The following USP54 variants were observed in gnomAD, a reference collection of about 807,000 sequenced individuals.
USP54 encodes ubiquitin carboxyl-terminal hydrolase 54.
A neutral mutation model predicts 170.5 loss-of-function variants in USP54; 87 were observed. The observed-to-expected ratio is 0.51, with a 90% CI of 0.43 to 0.61. The LOEUF (loss-of-function observed/expected upper bound fraction) is 0.61. Among genes scored for constraint, USP54 ranks in the 20% least tolerant of loss-of-function variants. The pLI is 0.00. For synonymous variants in USP54, 655 were observed against 742.8 expected (o/e 0.88, Z 1.92); for missense variants, 1,786 against 2,047.8 (o/e 0.87, Z 2.47).
rs531651010 is a variant in USP54 at position 73,563,547 on chromosome 10, C to T, written c.240+7874G>A. On this transcript the variant is annotated intron_variant, in intron 4 of 23. Coordinates refer to ENST00000687698, the MANE Select transcript of USP54 (RefSeq NM_001391956.1). ...CCACCCTCCGGGTTCAAGTGATTCT[C>T]CTGCCTCAGCCTCCCAAATAGCTGA... is the stretch of plus-strand genomic sequence containing the variant. 4.5e-4 allele frequency among the ~76,000 whole-genome samples: 68 copies of T among 152,242 alleles called. No homozygotes were observed. In the South Asian group the frequency reaches 0.011, roughly 24 times the overall value.
chr10:73,508,931 G>A (rs915972044), intron 20 of USP54, among the ~76,000 whole-genome samples: 1 of 149,678 alleles, frequency 6.7e-6, no homozygotes, highest in Non-Finnish European at 1.5e-5. Context: ...CTCCCAAAGT[G>A]TGGGATTACA....
chr10:73,533,527 G>A lies in USP54; in HGVS notation c.1315+1073C>T, dbSNP rs1055997294. On this transcript the variant is annotated intron_variant, in intron 12 of 23. Coordinates refer to ENST00000687698, the MANE Select transcript of USP54 (RefSeq NM_001391956.1). Reference sequence around the variant, plus strand: ...GCAGTACACTATTCTATACAGTTTTGAATATCTTTGAAATTCTTGATATTT... The same window carrying A: ...GCAGTACACTATTCTATACAGTTTTAAATATCTTTGAAATTCTTGATATTT... Among the ~76,000 whole-genome samples the A allele has an allele frequency of 5.3e-4, 79 of 149,016 alleles. 1 individual carries two copies. Among genetic ancestry groups the A allele is most frequent in the Admixed American group, 2.0e-4 (3 of 14,904 alleles).
At chr10:73,547,463 C>T (rs1212220630) in intron 4 of USP54, among the ~76,000 whole-genome samples, 5 of 152,132 alleles carry the variant, frequency 3.3e-5, no homozygotes, top group African/African-American at 4.8e-5. Flanking sequence ...GGAGGCATCA[C>T]GCTATCTGAC....
intron 3 of USP54, among the ~76,000 whole-genome samples, chr10:73,574,511 A>G (rs1432124261): frequency 6.6e-6 from 1 of 152,116 alleles, no homozygotes; most frequent in African/African-American, 2.4e-5. Context: ...AAAACAGGCC[A>G]GACACCTGTA....
chr10:73,548,151 C>G (rs2068298394), intron 4 of USP54, among the ~76,000 whole-genome samples: 1 of 152,154 alleles, frequency 6.6e-6, no homozygotes, highest in Admixed American at 6.5e-5. Flanking sequence ...CACTGGTCAT[C>G]AGAGAAATGC....
intron 4 of USP54, among the ~76,000 whole-genome samples, chr10:73,547,163 A>G (rs1276741522): frequency 6.6e-6 from 1 of 152,188 alleles, no homozygotes; most frequent in Non-Finnish European, 1.5e-5. Flanking sequence ...ACACGCCTAT[A>G]ATGCCAATAC....
intron 5 of USP54, among the ~76,000 whole-genome samples, chr10:73,544,753 A>C (rs1166047360): frequency 6.6e-5 from 10 of 151,524 alleles, no homozygotes; most frequent in Admixed American, 6.6e-4. Context: ...TCACTGTGTC[A>C]CCCAGGCTGG....
chr10:73,604,291 T>C (rs2079443913), intron 1 of USP54, among the ~76,000 whole-genome samples: 1 of 152,168 alleles, frequency 6.6e-6, no homozygotes, highest in Non-Finnish European at 1.5e-5. Context: ...AAAAACAGTG[T>C]TGGCAAGAAC....
At position 73,621,173 on chromosome 10, in the gene USP54, T is replaced by C. The variant is rs531279690; in HGVS notation, c.-18+4394A>G. Among the ~76,000 whole-genome samples, 50 of 147,020 alleles carry C rather than the reference T, an allele frequency of 3.4e-4. 1 individual carries two copies. Among genetic ancestry groups the C allele is most frequent in the Non-Finnish European group, 6.5e-4 (44 of 67,372 alleles). ...TCTGTCTCAAAAAACAAACAAATAA[T>C]ACAAAGATGTAAAATTTGAATTTCA... On this transcript the variant is annotated intron_variant, in intron 1 of 22. Coordinates refer to the USP54 transcript ENST00000339859.
intron 12 of USP54, 136 bp from the exon 13 acceptor site, chr10:73,530,971 T>C: frequency 2.4e-6 from 3 of 1,255,734 alleles, no homozygotes; most frequent in Middle Eastern, 4.0e-4. Context: ...GCATAGGCTA[T>C]CTGATTTCAG....
At chr10:73,508,708 C>T (rs1330758248) in intron 20 of USP54, among the ~76,000 whole-genome samples, 3 of 150,050 alleles carry the variant, frequency 2.0e-5, no homozygotes, top group Admixed American at 2.0e-4. Context: ...CCCTCTGTTG[C>T]CCAGGCTGGA....
upstream of USP54, among the ~76,000 whole-genome samples, chr10:73,593,017 T>C (rs189232889): frequency 1.0e-3 from 155 of 152,210 alleles, no homozygotes; most frequent in Non-Finnish European, 1.8e-3. Flanking sequence ...TCAAAATAAA[T>C]TGGGTAACTA....
chr10:73,597,212 G>T (rs1367201351), intron 1 of USP54, among the ~76,000 whole-genome samples: 1 of 152,142 alleles, frequency 6.6e-6, no homozygotes. Flanking sequence ...TTGAAACAAA[G>T]ACAAAAACAC....
At chr10:73,552,331 T>C (rs1160529521) in intron 4 of USP54, among the ~76,000 whole-genome samples, 1 of 151,592 alleles carries the variant, frequency 6.6e-6, no homozygotes, top group African/African-American at 2.4e-5. Flanking sequence ...GAGAATTGCT[T>C]GAACCTAGGA....
intron 14 of USP54, 110 bp from the exon 15 acceptor site, chr10:73,530,021 C>A: frequency 6.7e-7 from 1 of 1,495,034 alleles, no homozygotes; most frequent in South Asian, 1.4e-5. Flanking sequence ...AACTCATATC[C>A]CTAAAACACC....
chr10:73,568,572 T>C (rs2074348467), intron 4 of USP54, among the ~76,000 whole-genome samples: 2 of 152,074 alleles, frequency 1.3e-5, no homozygotes, highest in Admixed American at 1.3e-4. Context: ...TATATAGCAC[T>C]GAGGAACTGA....
chr10:73,563,042 C>T (rs1383368946), intron 4 of USP54, among the ~76,000 whole-genome samples: 1 of 152,166 alleles, frequency 6.6e-6, no homozygotes, highest in Non-Finnish European at 1.5e-5. Flanking sequence ...GCCTCAATCT[C>T]TTGGGCTCAA....
chr10:73,557,699 T>G (rs751804564), intron 4 of USP54, among the ~76,000 whole-genome samples: 1 of 151,904 alleles, frequency 6.6e-6, no homozygotes, highest in East Asian at 1.9e-4. Context: ...TTGGCCAGGC[T>G]GGTCTCAAAC....
chr10:73,592,054 C>T (rs933031960), upstream of USP54, among the ~76,000 whole-genome samples: 2 of 152,066 alleles, frequency 1.3e-5, no homozygotes, highest in Middle Eastern at 3.2e-3. Context: ...ACCCCTCTCT[C>T]GGGGAAGAGA....
Sources: allele counts gnomAD v4.1 joint callset (sites outside exome capture counted in the v4.1 genomes callset), GRCh38; gene constraint gnomAD v4.1.1; transcripts MANE v1.5; gene names NCBI Gene and HGNC (gene_info 2026-07-23, HGNC 2026-07-21).